ARMCX6: variants seen among roughly 807,000 people sequenced by gnomAD.
ARMCX6 encodes the protein armadillo repeat containing X-linked 6, also known as protein ARMCX6.
For synonymous variants in ARMCX6, 85 were observed against 70.3 expected (o/e 1.21, Z -1.05); for missense variants, 194 against 186.0 (o/e 1.04, Z -0.25).
intron 2 of ARMCX6, 120 bp downstream of exon 2, chrX:101,617,383 T>C (rs1387018752): frequency 9.0e-6 from 1 of 110,896 alleles, no homozygotes; most frequent in Non-Finnish European, 1.9e-5. Flanking sequence ...GAAATGGGAG[T>C]GGGTGTGGAG....
In ARMCX6 at chrX:101,616,525, A is replaced by T. The variant is rs781962542; in HGVS notation, c.96T>A (p.Asp32Glu). The change falls in exon 3 of 3, where the codon GAT becomes GAA. Residue 32 changes from aspartate (D) to glutamate (E), a missense_variant. Coordinates refer to ENST00000361910, the MANE Select transcript of ARMCX6 (RefSeq NM_019007.4). ...CCTCCTCCTCCAGCTTCTCACTGTC[A>T]TCTCTTCCTATGGTCAGTTTGTAAA... The part of the protein sequence containing the change: ...YCVYKLTIGR[D>E]DSEKLEEEGE... The T allele has an allele frequency of 3.3e-6, 4 of 1,210,108 alleles. No homozygotes were observed. Among genetic ancestry groups the T allele is most frequent in the Non-Finnish European group, 4.5e-6 (4 of 895,222 alleles).
chrX:101,617,885 C>G lies in ARMCX6; in HGVS notation c.-229G>C, dbSNP rs1935852442. ...AAGCAGCGCCCACCCTCGCACCGAC[C>G]TGCACGGTCCGAGCTAGTTTCCTTC... is the stretch of plus-strand genomic sequence containing the variant. On this transcript the variant is annotated splice_region_variant and 5_prime_UTR_variant, in exon 1 of 3. Coordinates refer to ENST00000361910, the MANE Select transcript of ARMCX6 (RefSeq NM_019007.4). 8.9e-6 allele frequency: 1 copy of G among 111,741 alleles called. No individual in the cohort carries two copies. Among genetic ancestry groups the G allele is most frequent in the Non-Finnish European group, 1.9e-5 (1 of 53,119 alleles). The allele number at this position is 111,741 out of a possible 1,213,427, so 9.2% of individuals were successfully genotyped here.
At position 101,616,397 on chromosome X, in the gene ARMCX6, C is replaced by A. The variant is rs146604802; in HGVS notation, c.224G>T (p.Trp75Leu). 1.7e-6 allele frequency: 2 copies of A among 1,211,723 alleles called. No individual in the cohort carries two copies. Among genetic ancestry groups the A allele is most frequent in the Non-Finnish European group, 1.1e-6 (1 of 895,487 alleles). The change falls in exon 3 of 3, where the codon TGG becomes TTG. Residue 75 changes from tryptophan (W) to leucine (L), a missense_variant. By Grantham distance (61) the Trp-to-Leu change is moderately conservative. Coordinates refer to ENST00000361910, the MANE Select transcript of ARMCX6 (RefSeq NM_019007.4). Reference sequence around the variant, plus strand: ...GCCACCTGGGGCCCCAGGTTCAGTCCAATCCCCATCCTCAGTCCAGGGCCG... The same window carrying A: ...GCCACCTGGGGCCCCAGGTTCAGTCAAATCCCCATCCTCAGTCCAGGGCCG... The part of the protein sequence containing the change: ...MARPWTEDGD[W>L]TEPGAPGGTE...
rs1431233740 is a variant in ARMCX6 at position 101,616,676 on chromosome X, T to C, written c.-56A>G. 14 of 1,165,030 alleles carry C rather than the reference T, an allele frequency of 1.2e-5. No individual in the cohort carries two copies. The highest frequency in any genetic ancestry group is 2.4e-4 in the Middle Eastern group (1 of 4,123). ...CAGGAGAGGGCCTTGCTCCACCTGA[T>C]TGAAGAGGTCTCTCAGGTCCAGGGT... On this transcript the variant is annotated 5_prime_UTR_variant, in exon 3 of 3. Transcript: ENST00000361910.
rs1232470138 is a variant in ARMCX6 at position 101,617,880 on chromosome X, C to G, written c.-229+5G>C. On this transcript the variant is annotated splice_donor_5th_base_variant and intron_variant, in intron 1 of 2. Coordinates refer to ENST00000361910, the MANE Select transcript of ARMCX6 (RefSeq NM_019007.4). ...CTCTCAAGCAGCGCCCACCCTCGCA[C>G]CGACCTGCACGGTCCGAGCTAGTTT... The G allele has an allele frequency of 9.0e-6, 1 of 111,726 alleles. No homozygotes were observed. Among genetic ancestry groups the G allele is most frequent in the Admixed American group, 9.4e-5 (1 of 10,632 alleles). The allele number at this position is 111,726 out of a possible 1,213,427, so 9.2% of individuals were successfully genotyped here.
At position 101,616,906 on chromosome X, in the gene ARMCX6, C is replaced by T. The variant is rs1224898008; in HGVS notation, c.-146-140G>A. ...TCTTTTCTTTTCTGTCTTCCTCTATCGACCTCAGGAGCCCCCATTTCTCTT... is the reference window on the plus strand; with the variant it reads ...TCTTTTCTTTTCTGTCTTCCTCTATTGACCTCAGGAGCCCCCATTTCTCTT... On this transcript the variant is annotated intron_variant, in intron 2 of 2. Coordinates refer to ENST00000361910, the MANE Select transcript of ARMCX6 (RefSeq NM_019007.4). The T allele has an allele frequency of 1.5e-5, 5 of 322,812 alleles. No homozygotes were observed. In the Admixed American group the frequency reaches 2.3e-4, roughly 15 times the overall value. The allele number at this position is 322,812 out of a possible 1,213,427, so 26.6% of individuals were successfully genotyped here. A position where few individuals can be genotyped will look rare whatever the true frequency, so the allele number is the denominator to read the frequency against.
Position 101,615,706 on chromosome X carries a change from C to T in ARMCX6, c.*12G>A. ...TGGGTGGATTCCGTCCCATTGTGTT[C>T]GAGAGGGCCGTTTATGGGGCAGGGG... On this transcript the variant is annotated 3_prime_UTR_variant, in exon 3 of 3. Coordinates refer to ENST00000361910, the MANE Select transcript of ARMCX6 (RefSeq NM_019007.4). The T allele has an allele frequency of 1.5e-5, 2 of 131,532 alleles. No individual in the cohort carries two copies. Among genetic ancestry groups the T allele is most frequent in the Non-Finnish European group, 2.4e-5 (2 of 82,431 alleles). 10.8% of individuals were successfully genotyped at this position (131,532 alleles called of 1,213,427 possible).
At chrX:101,617,418 C>T (rs1935839296) in intron 2 of ARMCX6, 85 bp downstream of exon 2, 1 of 111,032 alleles carries the variant, frequency 9.0e-6, no homozygotes, top group Non-Finnish European at 1.9e-5. Context: ...GAGAGGGCGA[C>T]TCGGACCTGG....
At chrX:101,616,792 C>A in intron 2 of ARMCX6, 26 bp from the exon 3 acceptor site, 1 of 922,529 alleles carries the variant, frequency 1.1e-6, no homozygotes, top group Non-Finnish European at 1.4e-6. Flanking sequence ...AGTATTAGGG[C>A]TCGGGACTAT....
At chrX:101,617,633 C>G (rs1055141153) in intron 1 of ARMCX6, 49 bp from the exon 2 acceptor site, 1 of 110,292 alleles carries the variant, frequency 9.1e-6, no homozygotes. Context: ...GTGGACGGAC[C>G]AGCACCCGGG....
At chrX:101,617,844 A>AC (rs1407683628) in intron 1 of ARMCX6, 41 bp downstream of exon 1, 2 of 110,654 alleles carry the variant, frequency 1.8e-5, no homozygotes, top group East Asian at 5.7e-4. Flanking sequence ...GCCCTCTTCC[A>AC]CCCATACCTC....
At position 101,617,906 on chromosome X, in the gene ARMCX6, C is replaced by T. The variant is rs1556036507; in HGVS notation, c.-250G>A. ...CGACCTGCACGGTCCGAGCTAGTTT[C>T]CTTCTTTCTTCACACGCCTGCAGAG... On this transcript the variant is annotated 5_prime_UTR_variant, in exon 1 of 3. Coordinates refer to ENST00000361910, the MANE Select transcript of ARMCX6 (RefSeq NM_019007.4). 2.7e-5 allele frequency: 3 copies of T among 111,759 alleles called. No individual in the cohort carries two copies. The highest frequency in any genetic ancestry group is 5.7e-5 in the Non-Finnish European group (3 of 53,081). The allele number at this position is 111,759 out of a possible 1,213,427, so 9.2% of individuals were successfully genotyped here. A position where few individuals can be genotyped will look rare whatever the true frequency, so the allele number is the denominator to read the frequency against.
In ARMCX6 at chrX:101,616,294, A is replaced by G. The variant is rs199639447; in HGVS notation, c.327T>C (p.His109=). 8.3e-7 allele frequency: 1 copy of G among 1,209,524 alleles called. No individual in the cohort carries two copies. Among genetic ancestry groups the G allele is most frequent in the African/African-American group, 1.8e-5 (1 of 56,938 alleles). The change falls in exon 3 of 3, where the codon CAT becomes CAC. Residue 109 remains histidine (H), a synonymous_variant. Coordinates refer to ENST00000361910, the MANE Select transcript of ARMCX6 (RefSeq NM_019007.4). Reference sequence around the variant, plus strand: ...AATTTTGAGCACTCCAAGTATTTTTATGTTCATAGGGGAATGGCCGCTGTT... The same window carrying G: ...AATTTTGAGCACTCCAAGTATTTTTGTGTTCATAGGGGAATGGCCGCTGTT... The part of the protein sequence containing the change: ...PIKQRPFPYE[H]KNTWSAQNCK...
At position 101,616,463 on chromosome X, in the gene ARMCX6, T is replaced by A; in HGVS notation, c.158A>T (p.Glu53Val). ...ATCAAACCAAATATCAGGCTCCTCC[T>A]CATCCAGCTCCTGGTCATCGTCCCA... ...EEWDDDQELD[E>V]EEPDIWFDFE... The change falls in exon 3 of 3, where the codon GAG (glutamate) becomes GTG (valine). Residue 53 changes from glutamate to valine, a missense_variant. Physicochemically the swap from Glu to Val is moderately radical, Grantham distance 121. Transcript: ENST00000361910. 8.3e-7 allele frequency: 1 copy of A among 1,211,701 alleles called. No homozygotes were observed. The highest frequency in any genetic ancestry group is 1.1e-6 in the Non-Finnish European group (1 of 895,455).
Position 101,616,730 on chromosome X carries a change from GCTTCTTC to G in ARMCX6, c.-117_-111del. The G allele has an allele frequency of 9.1e-7, 1 of 1,098,551 alleles. No homozygotes were observed. Among genetic ancestry groups the G allele is most frequent in the Non-Finnish European group, 1.2e-6 (1 of 837,996 alleles). The allele number at this position is 1,098,551 out of a possible 1,213,427, so 90.5% of individuals were successfully genotyped here. A position where few individuals can be genotyped will look rare whatever the true frequency, so the allele number is the denominator to read the frequency against. On this transcript the variant is annotated 5_prime_UTR_variant, in exon 3 of 3. Transcript: ENST00000361910. Reference sequence around the variant, plus strand: ...TAAGGATGGAGGGTAGCAGTCTTCAGCTTCTTCCAGGCTCTTGTAGCTCTCTTGTGAT... The same window carrying G: ...TAAGGATGGAGGGTAGCAGTCTTCAGCAGGCTCTTGTAGCTCTCTTGTGAT...
Position 101,616,058 on chromosome X carries a change from A to T in ARMCX6, c.563T>A (p.Ile188Asn). The change falls in exon 3 of 3, where the codon ATT becomes AAT. Residue 188 changes from isoleucine to asparagine, a missense_variant. Physicochemically the swap from Ile to Asn is moderately radical, Grantham distance 149. Coordinates refer to ENST00000361910, the MANE Select transcript of ARMCX6 (RefSeq NM_019007.4). The part of the protein sequence containing the change: ...LCAPDNLNAS[I>N]ESQGQIKMYI... ...CATCTTAATCTGGCCCTGACTTTCA[A>T]TACTCGCATTTAAGTTATCCGGGGC... The T allele has an allele frequency of 9.2e-7, 1 of 1,083,929 alleles. No individual in the cohort carries two copies. The highest frequency in any genetic ancestry group is 1.2e-6 in the Non-Finnish European group (1 of 812,507). 89.3% of individuals were successfully genotyped at this position (1,083,929 alleles called of 1,213,427 possible).
rs782376977 is a variant in ARMCX6, at chrX:101,616,651, C to T, written c.-31G>A. The T allele has an allele frequency of 1.0e-5, 12 of 1,185,909 alleles. No homozygotes were observed. Among genetic ancestry groups the T allele is most frequent in the Non-Finnish European group, 1.4e-5 (12 of 881,030 alleles). The stretch of plus-strand genomic sequence containing the variant: ...AGTCTGTGCCAGCCTTGGGGCAGGA[C>T]AGGAGAGGGCCTTGCTCCACCTGAT... On this transcript the variant is annotated 5_prime_UTR_variant, in exon 3 of 3. Coordinates refer to ENST00000361910, the MANE Select transcript of ARMCX6 (RefSeq NM_019007.4).
At chrX:101,617,069 C>G in intron 2 of ARMCX6, 1 of 124,672 alleles carries the variant, frequency 8.0e-6, no homozygotes, top group South Asian at 3.3e-4. Context: ...TCATTAACCT[C>G]TACCAAAGTC....
rs782417375 is a variant in ARMCX6 at position 101,616,514 on chromosome X, T to C, written c.107A>G (p.Lys36Arg). The C allele has an allele frequency of 2.5e-6, 3 of 1,212,107 alleles. No individual in the cohort carries two copies. Among genetic ancestry groups the C allele is most frequent in the Non-Finnish European group, 3.3e-6 (3 of 895,551 alleles). Reference sequence around the variant, plus strand: ...CTCCTCTTCCCCCTCCTCCTCCAGCTTCTCACTGTCATCTCTTCCTATGGT... The same window carrying C: ...CTCCTCTTCCCCCTCCTCCTCCAGCCTCTCACTGTCATCTCTTCCTATGGT... ...KLTIGRDDSE[K>R]LEEEGEEEWD... Residue 36 changes from lysine to arginine, a missense_variant, in exon 3 of 3, where the codon AAG becomes AGG. Physicochemically the swap from Lys to Arg is conservative, Grantham distance 26 (BLOSUM62 2). Coordinates refer to ENST00000361910, the MANE Select transcript of ARMCX6 (RefSeq NM_019007.4).
Sources: allele counts gnomAD v4.1 joint callset, GRCh38; gene constraint gnomAD v4.1.1; transcripts MANE v1.5; gene names NCBI Gene and HGNC (gene_info 2026-07-23, HGNC 2026-07-21).